CNTNAP5: variants seen among roughly 807,000 people sequenced by gnomAD.
CNTNAP5 encodes the protein contactin associated protein family member 5, also known as contactin-associated protein-like 5.
CNTNAP5 carries 72 observed loss-of-function variants against 150.2 expected under a neutral mutation model. That is an observed-to-expected ratio of 0.48 (90% confidence interval 0.40 to 0.58). The LOEUF is 0.58. CNTNAP5 is among the 20% of genes least tolerant of loss of function. CNTNAP5 has a pLI of 0.00. For synonymous variants in CNTNAP5, 672 were observed against 619.8 expected, an observed-to-expected ratio of 1.08 and a Z score of -1.25; for missense variants, 1,636 against 1,626.2, an observed-to-expected ratio of 1.01 and a Z score of -0.10.
At chr2:124,578,986 T>C (rs952531723) in intron 11 of CNTNAP5, among the ~76,000 whole-genome samples, 7 of 152,124 alleles carry the variant, frequency 4.6e-5, no homozygotes, top group Admixed American at 4.6e-4. Context: ...ACACTTTTAT[T>C]TGTGAAAGAT....
At chr2:124,796,505 G>A (rs1003410278) in intron 18 of CNTNAP5, among the ~76,000 whole-genome samples, 1 of 152,284 alleles carries the variant, frequency 6.6e-6, no homozygotes. Context: ...GGAGTACCAA[G>A]GTTGTAACCT....
chr2:124,027,398 A>T (rs1426408738), intron 1 of CNTNAP5, among the ~76,000 whole-genome samples: 1 of 152,212 alleles, frequency 6.6e-6, no homozygotes, highest in African/African-American at 2.4e-5. Flanking sequence ...CCTATCTGAG[A>T]AGAGTGAATA....
At chr2:124,355,085 A>G (rs1689963628) in intron 3 of CNTNAP5, among the ~76,000 whole-genome samples, 1 of 150,624 alleles carries the variant, frequency 6.6e-6, no homozygotes, top group Admixed American at 6.6e-5. Context: ...TATTTATAAT[A>G]TAATATATTT....
chr2:124,630,353 C>A (rs995421562), intron 12 of CNTNAP5, among the ~76,000 whole-genome samples: 10 of 152,294 alleles, frequency 6.6e-5, no homozygotes, highest in African/African-American at 2.4e-4. Context: ...AACCCAGCAG[C>A]ACATCAAATA....
intron 3 of CNTNAP5, among the ~76,000 whole-genome samples, chr2:124,355,722 C>A (rs927370678): frequency 6.6e-6 from 1 of 152,076 alleles, no homozygotes; most frequent in Non-Finnish European, 1.5e-5. Context: ...GGTTTTACAG[C>A]CAGGATCCAT....
At chr2:124,602,353 A>G (rs1697006120) in intron 11 of CNTNAP5, among the ~76,000 whole-genome samples, 1 of 151,512 alleles carries the variant, frequency 6.6e-6, no homozygotes, top group Non-Finnish European at 1.5e-5. Flanking sequence ...AAAAAAAAAA[A>G]AAAAAAAGAA....
chr2:124,883,465 G>A (rs1263726805), intron 21 of CNTNAP5, among the ~76,000 whole-genome samples: 1 of 152,002 alleles, frequency 6.6e-6, no homozygotes. Flanking sequence ...TGTGGGTAGA[G>A]TGCTTCTCAA....
chr2:124,531,470 A>G (rs1324118765), intron 10 of CNTNAP5, among the ~76,000 whole-genome samples: 4 of 152,158 alleles, frequency 2.6e-5, no homozygotes, highest in African/African-American at 9.7e-5. Context: ...TATTCAGTGA[A>G]CAGCTGTTGA....
At chr2:124,619,892 C>T (rs568580614) in intron 12 of CNTNAP5, among the ~76,000 whole-genome samples, 4 of 123,934 alleles carry the variant, frequency 3.2e-5, no homozygotes, top group Non-Finnish European at 6.4e-5. Context: ...TATACTCCTT[C>T]TCTCACTGTC....
chr2:124,128,390 A>G, intron 1 of CNTNAP5, among the ~76,000 whole-genome samples: 1 of 152,210 alleles, frequency 6.6e-6, no homozygotes, highest in East Asian at 1.9e-4. Context: ...TAGAATGGCC[A>G]TCATTAAAAA....
At chr2:124,076,843 G>A (rs1277840700) in intron 1 of CNTNAP5, among the ~76,000 whole-genome samples, 1 of 151,962 alleles carries the variant, frequency 6.6e-6, no homozygotes, top group Non-Finnish European at 1.5e-5. Flanking sequence ...GATGGTCCTG[G>A]AGCTGCAGCC....
intron 14 of CNTNAP5, among the ~76,000 whole-genome samples, chr2:124,759,831 C>T (rs1346783765): frequency 6.7e-6 from 1 of 148,248 alleles, no homozygotes; most frequent in Non-Finnish European, 1.5e-5. Context: ...GGATATTATC[C>T]TGGGGTAGAC....
intron 13 of CNTNAP5, among the ~76,000 whole-genome samples, chr2:124,654,690 A>G (rs918733320): frequency 8.6e-5 from 13 of 151,958 alleles, no homozygotes; most frequent in African/African-American, 3.1e-4. Flanking sequence ...CTATGGCACC[A>G]CCTCTGCTCC....
intron 4 of CNTNAP5, among the ~76,000 whole-genome samples, chr2:124,431,056 A>G (rs541236324): frequency 5.3e-5 from 8 of 152,292 alleles, no homozygotes; most frequent in African/African-American, 1.7e-4. Flanking sequence ...GCTTCAACCA[A>G]CACCTGCCCC....
At chr2:124,504,142 A>G in intron 7 of CNTNAP5, 150 bp from the exon 8 acceptor site, 3 of 767,828 alleles carry the variant, frequency 3.9e-6, no homozygotes, top group Non-Finnish European at 4.2e-6. Context: ...GTGTCTGAGC[A>G]AAGCCGACAT....
chr2:124,408,702 A>C (rs538503385), intron 3 of CNTNAP5, among the ~76,000 whole-genome samples: 87 of 151,102 alleles, frequency 5.8e-4, no homozygotes, highest in Admixed American at 1.3e-3. Context: ...AAACTAACAA[A>C]CAGAAAGGAC....
At chr2:124,618,382 A>G (rs902365056) in intron 12 of CNTNAP5, among the ~76,000 whole-genome samples, 2 of 152,158 alleles carry the variant, frequency 1.3e-5, no homozygotes, top group Non-Finnish European at 2.9e-5. Context: ...TGGCTTGTTC[A>G]AATTAGGGAC....
intron 13 of CNTNAP5, among the ~76,000 whole-genome samples, chr2:124,712,051 A>G (rs1233225195): frequency 6.6e-6 from 1 of 152,162 alleles, no homozygotes; most frequent in Non-Finnish European, 1.5e-5. Context: ...TTGGCCTGAT[A>G]TCCTTTTATG....
intron 4 of CNTNAP5, among the ~76,000 whole-genome samples, chr2:124,429,123 T>C (rs1415235451): frequency 6.6e-6 from 1 of 152,198 alleles, no homozygotes; most frequent in East Asian, 1.9e-4. Context: ...AAAAGCAGCA[T>C]ATAATAGTTT....
Sources: allele counts gnomAD v4.1 joint callset (sites outside exome capture counted in the v4.1 genomes callset), GRCh38; gene constraint gnomAD v4.1.1; transcripts MANE v1.5; gene names NCBI Gene and HGNC (gene_info 2026-07-23, HGNC 2026-07-21).